The following KLC4 variants were observed in gnomAD, a reference collection of about 807,000 sequenced individuals.
KLC4 encodes kinesin-like protein 8.
KLC4 carries 49 observed loss-of-function variants against 77.2 expected under a neutral mutation model. The ratio of observed to expected loss-of-function variants is 0.63; its 90% confidence interval spans 0.50 to 0.80. KLC4 has a LOEUF of 0.80. Ranked by LOEUF, KLC4 falls within the 30% of genes least tolerant of loss-of-function variation. The pLI is 0.00. For missense variants in KLC4, 669 were observed against 793.5 expected (o/e 0.84, Z 1.89); for synonymous variants, 274 against 314.5 (o/e 0.87, Z 1.36).
Position 43,073,346 on chromosome 6 carries a change from T to C in KLC4, c.1745+8T>C, listed in dbSNP as rs1243745199. ...TGAGCCTCGGCCCTCCAGGTATACA[T>C]GGAAGTCAAGATACAGTAAAGTGGC... is the stretch of plus-strand genomic sequence containing the variant. On this transcript the variant is annotated splice_region_variant and intron_variant, in intron 14 of 15. Transcript: ENST00000347162. 6.2e-7 allele frequency: 1 copy of C among 1,600,154 alleles called. No individual in the cohort carries two copies. Among genetic ancestry groups the C allele is most frequent in the Non-Finnish European group, 8.6e-7 (1 of 1,168,584 alleles).
intron 4 of KLC4, 147 bp from the exon 5 acceptor site, chr6:43,066,159 A>G: frequency 1.4e-6 from 1 of 691,522 alleles, no homozygotes; most frequent in South Asian, 1.7e-5. Context: ...GGGAGTGGAT[A>G]AAAGAATAGC....
At chr6:43,069,748 A>G (rs1765629778) in intron 6 of KLC4, among the ~76,000 whole-genome samples, 1 of 152,070 alleles carries the variant, frequency 6.6e-6, no homozygotes, top group East Asian at 1.9e-4. Context: ...GGGTTTCTCC[A>G]TGTTGGTCAG....
intron 11 of KLC4, 34 bp from the exon 12 acceptor site, chr6:43,072,113 C>T: frequency 5.8e-6 from 9 of 1,559,396 alleles, no homozygotes; most frequent in Non-Finnish European, 8.0e-6. Flanking sequence ...TGAACTCATT[C>T]TCTCTTCCTT....
chr6:43,061,370 C>A lies in KLC4; in HGVS notation c.35C>A (p.Pro12His), dbSNP rs755867221. The part of the protein sequence containing the change: ...SGLVLGQRDE[P>H]AGHRLSQEEI... Reference sequence around the variant, plus strand: ...CTGGTGTTGGGGCAGCGGGATGAGCCTGCAGGCCACCGGCTCAGCCAAGAG... The same window carrying A: ...CTGGTGTTGGGGCAGCGGGATGAGCATGCAGGCCACCGGCTCAGCCAAGAG... The change falls in exon 2 of 16, where the codon CCT becomes CAT. Residue 12 changes from proline to histidine, a missense_variant. Pro to His is a moderately conservative substitution (Grantham distance 77). Coordinates refer to ENST00000347162, the MANE Select transcript of KLC4 (RefSeq NM_201521.3). The A allele has an allele frequency of 6.2e-7, 1 of 1,613,800 alleles. No individual in the cohort carries two copies. The highest frequency in any genetic ancestry group is 8.5e-7 in the Non-Finnish European group (1 of 1,180,038).
intron 8 of KLC4, 63 bp downstream of exon 8, chr6:43,070,928 G>T (rs1364405455): frequency 2.3e-5 from 11 of 485,334 alleles, no homozygotes; most frequent in Non-Finnish European, 2.4e-5. Flanking sequence ...GTGGGGGGAG[G>T]GGGGGCAGGC....
chr6:43,060,890 T>C (rs891398766), intron 1 of KLC4, among the ~76,000 whole-genome samples: 4 of 152,334 alleles, frequency 2.6e-5, no homozygotes, highest in African/African-American at 9.6e-5. Context: ...TCTAGACCCC[T>C]GCATTATTTT....
At chr6:43,074,181 AT>A in intron 15 of KLC4, 1 of 501,322 alleles carries the variant, frequency 2.0e-6, no homozygotes, top group Non-Finnish European at 3.5e-6. Context: ...AAATAAGTTA[AT>A]AAGGAGGGAA....
intron 2 of KLC4, among the ~76,000 whole-genome samples, chr6:43,062,079 G>A (rs1467758421): frequency 6.6e-6 from 1 of 152,226 alleles, no homozygotes; most frequent in Non-Finnish European, 1.5e-5. Flanking sequence ...AAGTGCAGAG[G>A]CTCTGAATGG....
At position 43,073,133 on chromosome 6, in the gene KLC4, G is replaced by A. The variant is rs563996407; in HGVS notation, c.1630-90G>A. ...CCAGTCACTGGGCCTTGGGGGTGGG[G>A]GATGTGTGCAGAATAAATGCTAGGA... On this transcript the variant is annotated intron_variant, in intron 13 of 15. Coordinates refer to ENST00000347162, the MANE Select transcript of KLC4 (RefSeq NM_201521.3). 7.9e-5 allele frequency: 105 copies of A among 1,327,402 alleles called. No individual in the cohort carries two copies. The African/African-American group carries it at 1.4e-3, about 18-fold the overall frequency. The allele number at this position is 1,327,402 out of a possible 1,614,324, so 82.2% of individuals were successfully genotyped here. A position where few individuals can be genotyped will look rare whatever the true frequency, so the allele number is the denominator to read the frequency against.
At position 43,070,368 on chromosome 6, in the gene KLC4, C is replaced by T; in HGVS notation, c.894C>T (p.Leu298=). 1.2e-6 allele frequency: 2 copies of T among 1,613,868 alleles called. No individual in the cohort carries two copies. Among genetic ancestry groups the T allele is most frequent in the Non-Finnish European group, 1.7e-6 (2 of 1,179,784 alleles). Residue 298 remains leucine, a synonymous_variant, in exon 7 of 16, where the codon CTC becomes CTT. Transcript: ENST00000347162. The stretch of plus-strand genomic sequence containing the variant: ...TGTCTTCATAGGTGGCTGCCACACT[C>T]AACAATTTGGCTGTGCTCTATGGCA... ...GPDHPAVAAT[L]NNLAVLYGKR...
Position 43,074,627 on chromosome 6 carries a change from C to T in KLC4, c.1815C>T (p.Ser605=), listed in dbSNP as rs377085454. The T allele has an allele frequency of 1.2e-6, 2 of 1,613,964 alleles. No homozygotes were observed. The highest frequency in any genetic ancestry group is 2.7e-5 in the African/African-American group (2 of 74,882). The change falls in exon 16 of 16, where the codon TCC becomes TCT. Residue 605 remains serine, a synonymous_variant. Coordinates refer to ENST00000347162, the MANE Select transcript of KLC4 (RefSeq NM_201521.3). ...GGTAGTGTTGTCTGTTTCAGGTCTCCCGGGGCCTCAGTGCCAGCACCATGG... is the reference window on the plus strand; with the variant it reads ...GGTAGTGTTGTCTGTTTCAGGTCTCTCGGGGCCTCAGTGCCAGCACCATGG... ...NQPSAAPLQV[S]RGLSASTMDL... is the part of the protein sequence containing the mutation.
At chr6:43,074,364 AT>A (rs949921887) in intron 15 of KLC4, 2 of 510,750 alleles carry the variant, frequency 3.9e-6, no homozygotes, top group African/African-American at 3.9e-5. Context: ...TTAATGGCAA[AT>A]GACTTCTTGT....
intron 15 of KLC4, chr6:43,074,229 G>A (rs974243118): frequency 6.7e-5 from 31 of 460,886 alleles, no homozygotes; most frequent in African/African-American, 5.8e-4. Flanking sequence ...TTGGAATTAT[G>A]AATAATTTAA....
At chr6:43,060,510 T>G in intron 1 of KLC4, 1 of 1,321,316 alleles carries the variant, frequency 7.6e-7, no homozygotes, top group Non-Finnish European at 9.7e-7. Context: ...CTTCTGGACT[T>G]TGGGCAGGGC....
At position 43,071,200 on chromosome 6, in the gene KLC4, TAAAAAAA is replaced by T. The variant is rs540602192; in HGVS notation, c.1156-61_1156-55del. The T allele has an allele frequency of 5.1e-4, 332 of 644,712 alleles. No individual in the cohort carries two copies. In the African/African-American group the frequency reaches 6.2e-3, roughly 12 times the overall value. The allele number at this position is 644,712 out of a possible 1,614,324, so 39.9% of individuals were successfully genotyped here. ...CCCTGAGCCTGGTGAAGACCTTGTC[TAAAAAAA>T]AAAAAAAAAAAAAGACCTTGCCTCC... On this transcript the variant is annotated intron_variant, in intron 8 of 15. Transcript: ENST00000347162.
At position 43,070,821 on chromosome 6, in the gene KLC4, C is replaced by CT; in HGVS notation, c.1112dup (p.Pro373AlafsTer5). Reference sequence around the variant, plus strand: ...AGCACTGGCCATCTACGAGGGGCAGCTGGGGCCGGACAACCCTAATGTAGC... The same window carrying CT: ...AGCACTGGCCATCTACGAGGGGCAGCTTGGGGCCGGACAACCCTAATGTAGC... On this transcript the variant is annotated frameshift_variant, in exon 8 of 16. Transcript: ENST00000347162. LOFTEE classifies it high-confidence loss of function. 6.2e-7 allele frequency: 1 copy of CT among 1,611,956 alleles called. No homozygotes were observed. Among genetic ancestry groups the CT allele is most frequent in the Non-Finnish European group, 8.5e-7 (1 of 1,179,634 alleles).
At chr6:43,063,232 G>A in intron 3 of KLC4, 85 bp downstream of exon 3, 2 of 1,044,538 alleles carry the variant, frequency 1.9e-6, no homozygotes, top group Non-Finnish European at 2.8e-6. Flanking sequence ...ATCATCCTCA[G>A]GGTCCATCAG....
intron 2 of KLC4, among the ~76,000 whole-genome samples, chr6:43,062,340 G>T (rs1025439126): frequency 3.3e-5 from 5 of 152,226 alleles, no homozygotes; most frequent in African/African-American, 9.6e-5. Flanking sequence ...TGCCTGCCAG[G>T]TTCAAGCGAT....
At position 43,070,474 on chromosome 6, in the gene KLC4, CCTT is replaced by C. The variant is rs751124212; in HGVS notation, c.981+25_981+27del. 3.0e-5 allele frequency: 48 copies of C among 1,579,214 alleles called. No individual in the cohort carries two copies. Among genetic ancestry groups the C allele is most frequent in the East Asian group, 1.8e-4 (8 of 44,730 alleles). ...AGAAAAGGTACCCATGCCCTCTCTCCCTTCTTCTCTTGTCGCTGTGACCCTTCT... is the reference window on the plus strand; with the variant it reads ...AGAAAAGGTACCCATGCCCTCTCTCCCTTCTCTTGTCGCTGTGACCCTTCT... On this transcript the variant is annotated intron_variant, in intron 7 of 15. Transcript: ENST00000347162.
Sources: gnomAD v4.1 joint callset for allele counts (sites outside exome capture counted in the v4.1 genomes callset) on GRCh38, gnomAD v4.1.1 for gene constraint, MANE v1.5 for transcripts, NCBI Gene and HGNC (gene_info 2026-07-23, HGNC 2026-07-21) for gene names.